FRMD6: variants seen among roughly 807,000 people sequenced by gnomAD.
The protein encoded by FRMD6 is FERM domain containing 6.
FRMD6 carries 37 observed loss-of-function variants against 73.2 expected under a neutral mutation model. The observed-to-expected ratio is 0.51, with a 90% CI of 0.39 to 0.66. FRMD6 has a LOEUF of 0.66. FRMD6 is among the 30% of genes least tolerant of loss of function. FRMD6 has a pLI of 0.00. For missense variants in FRMD6, 714 were observed against 780.5 expected (o/e 0.91, Z 1.02); for synonymous variants, 273 against 282.2 (o/e 0.97, Z 0.33).
chr14:51,414,537 C>T, the FRMD6 span, among the ~76,000 whole-genome samples: 1,473 of 151,342 alleles, frequency 9.7e-3, 21 homozygotes, highest in African/African-American at 0.032. Context: ...ACCAGTACCA[C>T]GCTGTTTTGG....
chr14:51,472,564 A>G, the FRMD6 span, among the ~76,000 whole-genome samples: 1 of 152,080 alleles, frequency 6.6e-6, no homozygotes, highest in Admixed American at 6.5e-5. Flanking sequence ...CAGCCTCCCA[A>G]AGTGCTGGGA....
At chr14:51,572,037 C>T (rs1199104107) in intron 2 of FRMD6, among the ~76,000 whole-genome samples, 1 of 152,244 alleles carries the variant, frequency 6.6e-6, no homozygotes, top group Non-Finnish European at 1.5e-5. Flanking sequence ...TATTATGTCA[C>T]CTCCCTGTTC....
At chr14:51,455,288 A>T in the FRMD6 span, among the ~76,000 whole-genome samples, 1 of 152,226 alleles carries the variant, frequency 6.6e-6, no homozygotes, top group African/African-American at 2.4e-5. Context: ...TTAATTTTCC[A>T]TAGAACACAG....
At chr14:51,495,469 A>G (rs1883241444) in intron 1 of FRMD6, among the ~76,000 whole-genome samples, 1 of 152,370 alleles carries the variant, frequency 6.6e-6, no homozygotes, top group Non-Finnish European at 1.5e-5. Context: ...AAATAGAATG[A>G]CAAATTTTAT....
chr14:51,487,390 C>G (rs1882791068), upstream of FRMD6, among the ~76,000 whole-genome samples: 1 of 152,118 alleles, frequency 6.6e-6, no homozygotes, highest in Admixed American at 6.6e-5. Flanking sequence ...TATATGAAAA[C>G]AATCTCTAGA....
chr14:51,458,281 A>G, the FRMD6 span, among the ~76,000 whole-genome samples: 1 of 152,094 alleles, frequency 6.6e-6, no homozygotes, highest in South Asian at 2.1e-4. Flanking sequence ...CCCCTACCCC[A>G]ATCTCTTATC....
intron 2 of FRMD6, among the ~76,000 whole-genome samples, chr14:51,592,346 G>A (rs974266273): frequency 1.3e-5 from 2 of 152,126 alleles, no homozygotes; most frequent in Admixed American, 6.5e-5. Context: ...GGGTTATTGC[G>A]TGTGTTTTAA....
At chr14:51,449,954 T>G in the FRMD6 span, among the ~76,000 whole-genome samples, 1 of 152,244 alleles carries the variant, frequency 6.6e-6, no homozygotes, top group Admixed American at 6.5e-5. Flanking sequence ...GATTTCCATC[T>G]GGGCCTGTGG....
At chr14:51,564,872 C>T (rs1887691656) in intron 1 of FRMD6, among the ~76,000 whole-genome samples, 1 of 152,124 alleles carries the variant, frequency 6.6e-6, no homozygotes, top group Non-Finnish European at 1.5e-5. Context: ...AATGTGTGTG[C>T]ATTTTCTATG....
chr14:51,493,644 G>A (rs1478616642), intron 1 of FRMD6, among the ~76,000 whole-genome samples: 1 of 152,114 alleles, frequency 6.6e-6, no homozygotes, highest in Non-Finnish European at 1.5e-5. Context: ...GTCTTTATTA[G>A]CAGTGTGAGA....
chr14:51,486,644 T>C (rs1009093206), upstream of FRMD6, among the ~76,000 whole-genome samples: 2 of 152,200 alleles, frequency 1.3e-5, no homozygotes, highest in African/African-American at 4.8e-5. Flanking sequence ...CTAATCTCTT[T>C]CCTGGTCAGT....
At chr14:51,553,900 C>T (rs576127324) in intron 1 of FRMD6, among the ~76,000 whole-genome samples, 1 of 152,232 alleles carries the variant, frequency 6.6e-6, no homozygotes, top group African/African-American at 2.4e-5. Context: ...TGTACTTGAA[C>T]ATCAAAATAG....
At chr14:51,638,992 C>G (rs1435126453) in intron 2 of FRMD6, among the ~76,000 whole-genome samples, 2 of 68,580 alleles carry the variant, frequency 2.9e-5, no homozygotes, top group Non-Finnish European at 8.2e-5. Context: ...TTTTCTGATA[C>G]ATAGTTTTTG....
intron 6 of FRMD6, 100 bp from the exon 7 acceptor site, chr14:51,707,978 G>T: frequency 9.2e-7 from 1 of 1,091,126 alleles, no homozygotes; most frequent in Non-Finnish European, 1.4e-6. Context: ...AGTTTACATG[G>T]CCTATTTTAG....
At chr14:51,446,233 G>C in the FRMD6 span, among the ~76,000 whole-genome samples, 1 of 152,216 alleles carries the variant, frequency 6.6e-6, no homozygotes, top group Non-Finnish European at 1.5e-5. Context: ...AGCTGGGGCA[G>C]TGGTAGAAGG....
intron 1 of FRMD6, among the ~76,000 whole-genome samples, chr14:51,680,776 A>G (rs1894739954): frequency 3.9e-5 from 6 of 152,036 alleles, no homozygotes; most frequent in Admixed American, 3.9e-4. Context: ...TTTTTTATAT[A>G]CTATGATTTA....
At chr14:51,686,772 C>T (rs1436596744) in intron 1 of FRMD6, among the ~76,000 whole-genome samples, 1 of 152,058 alleles carries the variant, frequency 6.6e-6, no homozygotes, top group Non-Finnish European at 1.5e-5. Flanking sequence ...AATAAGTAGC[C>T]AATGGCTGTT....
intron 7 of FRMD6, 109 bp from the exon 8 acceptor site, chr14:51,711,422 C>T (rs1896938350): frequency 1.5e-6 from 1 of 648,210 alleles, no homozygotes; most frequent in East Asian, 2.9e-5. Flanking sequence ...AAGTCAAAAA[C>T]TTTTCAGTCC....
At chr14:51,474,732 T>A in the FRMD6 span, among the ~76,000 whole-genome samples, 1 of 152,162 alleles carries the variant, frequency 6.6e-6, no homozygotes, top group Non-Finnish European at 1.5e-5. Context: ...TGGAATTGAA[T>A]GTGAAGGCAA....
Sources: gnomAD v4.1 joint callset for allele counts (sites outside exome capture counted in the v4.1 genomes callset) on GRCh38, gnomAD v4.1.1 for gene constraint, MANE v1.5 for transcripts, NCBI Gene and HGNC (gene_info 2026-07-23, HGNC 2026-07-21) for gene names.